Variants in LDLRAP1 observed in about 807,000 individuals in gnomAD.
LDLRAP1 encodes the protein low density lipoprotein receptor adaptor protein 1, also known as low density lipoprotein receptor adapter protein 1.
LDLRAP1 carries 30 observed loss-of-function variants against 37.8 expected under a neutral mutation model. That is an observed-to-expected ratio of 0.79 (90% CI 0.59 to 1.08). LDLRAP1 has a LOEUF of 1.08. LDLRAP1 is among the 50% of genes least tolerant of loss of function. LDLRAP1 has a pLI of 0.00. For synonymous variants in LDLRAP1, 156 were observed against 169.8 expected (o/e 0.92, Z 0.63); for missense variants, 375 against 401.6 (o/e 0.93, Z 0.57).
At chr1:25,561,018 G>A (rs765970613) in intron 4 of LDLRAP1, among the ~76,000 whole-genome samples, 4 of 152,270 alleles carry the variant, frequency 2.6e-5, no homozygotes, top group Non-Finnish European at 4.4e-5. Context: ...GGGCAAAAAG[G>A]TAGGAATGTA....
the LDLRAP1 span, chr1:25,581,594 G>A: frequency 6.6e-6 from 1 of 152,440 alleles, no homozygotes; most frequent in Non-Finnish European, 1.5e-5. Context: ...GAAGGGCTAA[G>A]TGTTCCAAGA....
chr1:25,560,951 C>T (rs2044328672), intron 4 of LDLRAP1, among the ~76,000 whole-genome samples: 2 of 152,266 alleles, frequency 1.3e-5, no homozygotes, highest in African/African-American at 4.8e-5. Flanking sequence ...CTTGCAGCTA[C>T]CTGCACACAT....
intron 8 of LDLRAP1, among the ~76,000 whole-genome samples, chr1:25,565,480 C>T (rs11799800): frequency 0.51 from 77,390 of 151,502 alleles, 20,173 homozygotes; most frequent in African/African-American, 0.62. Flanking sequence ...CTGAGGTGAG[C>T]GAAACACACT....
At chr1:25,583,081 C>T in the LDLRAP1 span, among the ~76,000 whole-genome samples, 1 of 150,740 alleles carries the variant, frequency 6.6e-6, no homozygotes, top group African/African-American at 2.4e-5. Context: ...AAAAAAAAAA[C>T]AAAAATTCCA....
chr1:25,557,477 G>T, intron 4 of LDLRAP1: 1 of 596,504 alleles, frequency 1.7e-6, no homozygotes, highest in South Asian at 2.0e-5. Flanking sequence ...GGTCAGCTTT[G>T]TGTGGGCAGT....
chr1:25,572,597 C>G (rs79154958), downstream of LDLRAP1, among the ~76,000 whole-genome samples: 1 of 152,222 alleles, frequency 6.6e-6, no homozygotes, highest in Admixed American at 6.5e-5. Context: ...GAGTTGAGAC[C>G]TGCAGAGGGC....
intron 4 of LDLRAP1, among the ~76,000 whole-genome samples, chr1:25,558,708 A>G (rs2044269838): frequency 6.6e-6 from 1 of 151,974 alleles, no homozygotes; most frequent in Non-Finnish European, 1.5e-5. Flanking sequence ...CCCGCTCAGC[A>G]CTCCTTCTGA....
intron 1 of LDLRAP1, among the ~76,000 whole-genome samples, chr1:25,550,779 T>TAACCA (rs1241697183): frequency 6.6e-6 from 1 of 152,134 alleles, no homozygotes; most frequent in Non-Finnish European, 1.5e-5. Flanking sequence ...GCAACCAGTC[T>TAACCA]GTAAGGACGT....
intron 3 of LDLRAP1, among the ~76,000 whole-genome samples, chr1:25,556,244 G>A (rs1366350530): frequency 2.0e-5 from 3 of 152,144 alleles, no homozygotes; most frequent in South Asian, 2.1e-4. Flanking sequence ...CTGGGCTACC[G>A]GCCCCTCCCC....
In LDLRAP1 at chr1:25,543,662, T is replaced by C. The variant is rs1057515425; in HGVS notation, c.-37T>C. The C allele has an allele frequency of 3.3e-6, 4 of 1,202,346 alleles. No homozygotes were observed. Among genetic ancestry groups the C allele is most frequent in the South Asian group, 4.1e-5 (1 of 24,248 alleles). The allele number at this position is 1,202,346 out of a possible 1,614,324, so 74.5% of individuals were successfully genotyped here. ...GCGGAAAGTTTTTCCTGACGGAGTT[T>C]TGGCTGCGGCAGCGGCGGCGGCGGC... On this transcript the variant is annotated 5_prime_UTR_variant, in exon 1 of 9. Transcript: ENST00000374338.
At chr1:25,580,471 T>C in the LDLRAP1 span, among the ~76,000 whole-genome samples, 4 of 152,228 alleles carry the variant, frequency 2.6e-5, no homozygotes, top group African/African-American at 9.6e-5. Context: ...GGCTAGACAC[T>C]GTGCTAACAT....
Position 25,563,142 on chromosome 1 carries a change from C to G in LDLRAP1, c.605C>G (p.Ser202Cys), listed in dbSNP as rs121908326. The G allele has an allele frequency of 8.7e-6, 14 of 1,613,826 alleles. No homozygotes were observed. Among genetic ancestry groups the G allele is most frequent in the Admixed American group, 6.7e-5 (4 of 60,000 alleles). The change falls in exon 6 of 9, where the codon TCC (serine) becomes TGC (cysteine). Residue 202 changes from serine (S) to cysteine (C), a missense_variant. By Grantham distance (112) the Ser-to-Cys change is moderately radical. Transcript: ENST00000374338. Reference sequence around the variant, plus strand: ...GGGGCCCGCCAAGACTGCACCCCCTCCTTGAAGAGCTGTGAGTCCTGACGG... The same window carrying G: ...GGGGCCCGCCAAGACTGCACCCCCTGCTTGAAGAGCTGTGAGTCCTGACGG... ...VLGARQDCTP[S>C]LKSLVATGNL...
At chr1:25,582,540 G>A in the LDLRAP1 span, among the ~76,000 whole-genome samples, 32 of 151,058 alleles carry the variant, frequency 2.1e-4, no homozygotes, top group South Asian at 4.2e-4. Flanking sequence ...ATCCGAGATC[G>A]TGCCACTGCA....
chr1:25,582,396 C>T, the LDLRAP1 span, among the ~76,000 whole-genome samples: 3 of 151,902 alleles, frequency 2.0e-5, no homozygotes, highest in Non-Finnish European at 4.4e-5. Context: ...ACCATCCTGG[C>T]GAACACGGTG....
chr1:25,575,596 C>CA, the LDLRAP1 span, among the ~76,000 whole-genome samples: 1 of 151,910 alleles, frequency 6.6e-6, no homozygotes, highest in Non-Finnish European at 1.5e-5. Context: ...CCCTGTCTTA[C>CA]AAAAACAAAC....
chr1:25,548,670 C>A (rs1244541335), intron 1 of LDLRAP1, among the ~76,000 whole-genome samples: 1 of 151,326 alleles, frequency 6.6e-6, no homozygotes, highest in Non-Finnish European at 1.5e-5. Flanking sequence ...TCCTATTGTC[C>A]CTGTTATTTA....
In LDLRAP1 at chr1:25,544,992, G is replaced by A. The variant is rs72871999; in HGVS notation, c.88+1206G>A. Among the ~76,000 whole-genome samples the A allele has an allele frequency of 0.042, 6,405 of 152,290 alleles. 440 individuals are homozygous for A. Among genetic ancestry groups the A allele is most frequent in the African/African-American group, 0.14 (5,948 of 41,526 alleles). Reference sequence around the variant, plus strand: ...CCCACTCTGTTGTTCAGCTGTGGCCGCCTCCCAGCTGAGACTGGCATTGGC... The same window carrying A: ...CCCACTCTGTTGTTCAGCTGTGGCCACCTCCCAGCTGAGACTGGCATTGGC... On this transcript the variant is annotated intron_variant, in intron 1 of 8. Coordinates refer to ENST00000374338, the MANE Select transcript of LDLRAP1 (RefSeq NM_015627.3). The surrounding 1 kb of genome is among the most constrained non-coding windows in gnomAD (Gnocchi z 4.8).
chr1:25,577,643 C>T, the LDLRAP1 span, among the ~76,000 whole-genome samples: 8 of 152,298 alleles, frequency 5.3e-5, no homozygotes, highest in African/African-American at 1.9e-4. Context: ...GGGCTCCAAG[C>T]AGGTGTGAGG....
In LDLRAP1 at chr1:25,557,004, C is replaced by T. The variant is rs1033313845; in HGVS notation, c.345-149C>T. The T allele has an allele frequency of 4.2e-5, 30 of 719,500 alleles. No homozygotes were observed. In the African/African-American group the frequency reaches 4.9e-4, roughly 12 times the overall value. The allele number at this position is 719,500 out of a possible 1,614,324, so 44.6% of individuals were successfully genotyped here. A position where few individuals can be genotyped will look rare whatever the true frequency, so the allele number is the denominator to read the frequency against. ...TGCACAGATGGCCTAGGTACCCAGC[C>T]TGGAGGCCAAGGCTGGATTCCCAGA... On this transcript the variant is annotated intron_variant, in intron 3 of 8. Transcript: ENST00000374338.
Sources: allele counts gnomAD v4.1 joint callset (sites outside exome capture counted in the v4.1 genomes callset), GRCh38; gene constraint gnomAD v4.1.1; non-coding constraint Gnocchi (gnomAD v3.1); transcripts MANE v1.5; gene names NCBI Gene and HGNC (gene_info 2026-07-23, HGNC 2026-07-21).